BMPER: variants seen among roughly 807,000 people sequenced by gnomAD.
BMPER encodes BMP binding endothelial regulator.
A neutral mutation model predicts 87.3 loss-of-function variants in BMPER; 45 were observed. The observed-to-expected ratio is 0.52, with a 90% CI of 0.41 to 0.66. The LOEUF (loss-of-function observed/expected upper bound fraction) is 0.66, where lower values mean the gene tolerates loss of function less well. Among genes scored for constraint, BMPER ranks in the 30% least tolerant of loss-of-function variants. The pLI is 0.00. For synonymous variants in BMPER, 326 were observed against 316.2 expected, an observed-to-expected ratio of 1.03 and a Z score of -0.33; for missense variants, 784 against 867.5, an observed-to-expected ratio of 0.90 and a Z score of 1.21.
In BMPER at chr7:33,937,303, A is replaced by G; in HGVS notation, c.234A>G (p.Thr78=). The stretch of plus-strand genomic sequence containing the variant: ...TTTTTGTCTAGAACAAGGAAGTGAC[A>G]TGTAAGAGAGAGAAGTGCCCCGTGC... ...IMCVCLNKEV[T]CKREKCPVLS... Residue 78 remains threonine (T), a synonymous_variant, in exon 3 of 15, where the codon ACA becomes ACG. Transcript: ENST00000649409. 3 of 1,614,132 alleles carry G rather than the reference A, an allele frequency of 1.9e-6. No individual in the cohort carries two copies. The highest frequency in any genetic ancestry group is 2.5e-6 in the Non-Finnish European group (3 of 1,179,966).
chr7:34,026,968 A>G (rs546680549), intron 6 of BMPER, among the ~76,000 whole-genome samples: 143 of 152,130 alleles, frequency 9.4e-4, no homozygotes, highest in South Asian at 1.7e-3. Context: ...TTTGTAGCCT[A>G]TATGGCATCG....
At chr7:34,004,602 T>C (rs1301050402) in intron 6 of BMPER, among the ~76,000 whole-genome samples, 6 of 152,188 alleles carry the variant, frequency 3.9e-5, no homozygotes, top group Non-Finnish European at 8.8e-5. Flanking sequence ...TTGCTGTTTG[T>C]CAAGTGACTT....
chr7:34,047,889 G>C (rs1191786405), intron 7 of BMPER, among the ~76,000 whole-genome samples: 1 of 144,096 alleles, frequency 6.9e-6, no homozygotes, highest in Non-Finnish European at 1.5e-5. Context: ...CCTTAAGTCT[G>C]TTTACATCCT....
intron 13 of BMPER, among the ~76,000 whole-genome samples, chr7:34,087,231 A>G (rs1326729577): frequency 6.6e-6 from 1 of 152,116 alleles, no homozygotes; most frequent in East Asian, 1.9e-4. Context: ...TTTTCCTGTT[A>G]TAACTTGAAT....
At chr7:34,003,887 C>A (rs1786655533) in intron 6 of BMPER, among the ~76,000 whole-genome samples, 1 of 152,058 alleles carries the variant, frequency 6.6e-6, no homozygotes, top group Non-Finnish European at 1.5e-5. Flanking sequence ...ATATGAATTT[C>A]TTTCACTTTA....
At chr7:34,080,409 G>A (rs1788981760) in intron 12 of BMPER, among the ~76,000 whole-genome samples, 1 of 152,180 alleles carries the variant, frequency 6.6e-6, no homozygotes, top group Admixed American at 6.5e-5. Context: ...TTTAGTTAGA[G>A]TATGACATGT....
intron 6 of BMPER, among the ~76,000 whole-genome samples, chr7:34,035,479 GCTCAGGCATACTAAGGAAAAC>G (rs1787637753): frequency 6.6e-6 from 1 of 152,170 alleles, no homozygotes; most frequent in East Asian, 1.9e-4. Flanking sequence ...TCCGTAGTGT[GCTCAGGCATACTAAGGAAAAC>G]CTCAAAGACT....
At chr7:34,005,650 C>T (rs1371444173) in intron 6 of BMPER, among the ~76,000 whole-genome samples, 1 of 151,894 alleles carries the variant, frequency 6.6e-6, no homozygotes, top group East Asian at 1.9e-4. Flanking sequence ...AGTGATTCTC[C>T]CACTTTGGCC....
intron 6 of BMPER, among the ~76,000 whole-genome samples, chr7:34,015,979 G>A (rs2127943799): frequency 6.6e-6 from 1 of 151,308 alleles, no homozygotes; most frequent in African/African-American, 2.4e-5. Flanking sequence ...AAAGACAGAT[G>A]GAGAAAGAGA....
intron 5 of BMPER, among the ~76,000 whole-genome samples, chr7:33,973,691 A>C (rs1785606747): frequency 6.6e-6 from 1 of 152,204 alleles, no homozygotes; most frequent in Non-Finnish European, 1.5e-5. Flanking sequence ...AGTCTTTCAC[A>C]AGACCCTGCT....
At chr7:34,147,651 G>A (rs1791064962) in intron 14 of BMPER, among the ~76,000 whole-genome samples, 1 of 152,048 alleles carries the variant, frequency 6.6e-6, no homozygotes, top group Admixed American at 6.6e-5. Flanking sequence ...TGTATTTTTA[G>A]TAGAGACGGG....
intron 13 of BMPER, among the ~76,000 whole-genome samples, chr7:34,116,009 G>A (rs1456732168): frequency 6.6e-6 from 1 of 152,182 alleles, no homozygotes; most frequent in African/African-American, 2.4e-5. Context: ...ATCCTAGTGG[G>A]TATGAAGTGG....
chr7:34,031,951 T>TACAC lies in BMPER; in HGVS notation c.577-14347_577-14344dup, dbSNP rs1205516937. 2.2e-5 allele frequency among the ~76,000 whole-genome samples: 3 copies of TACAC among 136,274 alleles called. No individual in the cohort carries two copies. In the Admixed American group the frequency reaches 2.2e-4, roughly 10 times the overall value. 89.4% of individuals were successfully genotyped at this position (136,274 alleles called of 152,430 possible). A position where few individuals can be genotyped will look rare whatever the true frequency, so the allele number is the denominator to read the frequency against. ...ATACACACACACACACACATATATA[T>TACAC]ACACACACACATATATATAAATATA... On this transcript the variant is annotated intron_variant, in intron 6 of 14. Transcript: ENST00000649409.
At chr7:34,032,795 C>T (rs537081300) in intron 6 of BMPER, among the ~76,000 whole-genome samples, 5 of 152,240 alleles carry the variant, frequency 3.3e-5, no homozygotes, top group Non-Finnish European at 5.9e-5. Flanking sequence ...AGTGGTTTCC[C>T]GTTTCCCTAC....
intron 2 of BMPER, among the ~76,000 whole-genome samples, chr7:33,930,414 CT>C (rs1186449169): frequency 3.3e-5 from 5 of 152,286 alleles, no homozygotes; most frequent in African/African-American, 1.2e-4. Flanking sequence ...AAATTTAATA[CT>C]GCCATTGGCA....
intron 14 of BMPER, among the ~76,000 whole-genome samples, chr7:34,143,982 G>A (rs1054998728): frequency 6.6e-6 from 1 of 152,190 alleles, no homozygotes; most frequent in African/African-American, 2.4e-5. Context: ...CACAGTGGCA[G>A]CCTAGTGGGA....
At chr7:34,054,465 T>C (rs1278603002) in intron 8 of BMPER, among the ~76,000 whole-genome samples, 1 of 152,218 alleles carries the variant, frequency 6.6e-6, no homozygotes, top group East Asian at 1.9e-4. Flanking sequence ...TATTTTACAT[T>C]TAAGAGGCAC....
chr7:34,091,766 G>GA (rs1317535571), intron 13 of BMPER, among the ~76,000 whole-genome samples: 1 of 152,128 alleles, frequency 6.6e-6, no homozygotes, highest in African/African-American at 2.4e-5. Flanking sequence ...AGGTCTGATT[G>GA]AAAAAATTTT....
At chr7:34,046,817 G>T (rs1439781239) in intron 7 of BMPER, among the ~76,000 whole-genome samples, 2 of 152,070 alleles carry the variant, frequency 1.3e-5, no homozygotes, top group Non-Finnish European at 2.9e-5. Context: ...ACACATGCAA[G>T]AAAATGAGAG....
Sources: gnomAD v4.1 joint callset for allele counts (sites outside exome capture counted in the v4.1 genomes callset) on GRCh38, gnomAD v4.1.1 for gene constraint, MANE v1.5 for transcripts, NCBI Gene and HGNC (gene_info 2026-07-23, HGNC 2026-07-21) for gene names.